Variants in AFF1 observed in about 807,000 individuals in gnomAD.
The protein encoded by AFF1 is ALF transcription elongation factor 1.
In AFF1, 48 loss-of-function variants were observed where a neutral mutation model predicts 121.7. The ratio of observed to expected loss-of-function variants is 0.39; its 90% CI spans 0.31 to 0.50. The LOEUF is 0.50. AFF1 is among the 20% of genes least tolerant of loss of function. The probability of loss-of-function intolerance (pLI) is 0.76; values close to 1 mark genes in which losing one functional copy is unlikely to be tolerated. For missense variants in AFF1, 1,523 were observed against 1,511.7 expected, an observed-to-expected ratio of 1.01 and a Z score of -0.12; for synonymous variants, 613 against 563.0, an observed-to-expected ratio of 1.09 and a Z score of -1.26.
chr4:87,061,725 G>T (rs1440241884), intron 4 of AFF1, among the ~76,000 whole-genome samples: 1 of 152,186 alleles, frequency 6.6e-6, no homozygotes, highest in East Asian at 1.9e-4. Flanking sequence ...TGTTCTCTCC[G>T]TCAATTCAAG....
intron 4 of AFF1, among the ~76,000 whole-genome samples, chr4:87,050,384 G>A (rs1731151496): frequency 6.6e-6 from 1 of 152,158 alleles, no homozygotes; most frequent in Admixed American, 6.5e-5. Flanking sequence ...CCTTTCCACT[G>A]CTTCTGTGAA....
intron 4 of AFF1, among the ~76,000 whole-genome samples, chr4:87,055,021 G>A (rs766623416): frequency 9.2e-5 from 14 of 151,992 alleles, no homozygotes; most frequent in Non-Finnish European, 1.3e-4. Flanking sequence ...TCTCTCACCC[G>A]GGCTGGAATG....
At chr4:86,965,286 C>G (rs182680554) in intron 2 of AFF1, among the ~76,000 whole-genome samples, 1 of 152,226 alleles carries the variant, frequency 6.6e-6, no homozygotes, top group Non-Finnish European at 1.5e-5. Context: ...AAATTCCTTG[C>G]ACAGGCAAGC....
intron 12 of AFF1, among the ~76,000 whole-genome samples, chr4:87,117,600 G>A (rs1727255921): frequency 6.6e-6 from 1 of 152,166 alleles, no homozygotes; most frequent in Non-Finnish European, 1.5e-5. Context: ...CTAGTTATTT[G>A]GATCCAAAGT....
chr4:87,054,602 A>G (rs1719904151), intron 4 of AFF1, among the ~76,000 whole-genome samples: 2 of 152,200 alleles, frequency 1.3e-5, no homozygotes, highest in Admixed American at 1.3e-4. Context: ...CATGACCTAA[A>G]TGTGTTAGGA....
At chr4:87,068,926 C>T (rs1721665559) in intron 4 of AFF1, among the ~76,000 whole-genome samples, 5 of 152,158 alleles carry the variant, frequency 3.3e-5, no homozygotes, top group Admixed American at 6.5e-5. Context: ...GACATGTTCA[C>T]AGAGGTGAGT....
At chr4:86,942,534 A>G (rs558888566) in intron 1 of AFF1, among the ~76,000 whole-genome samples, 3 of 152,264 alleles carry the variant, frequency 2.0e-5, no homozygotes, top group Non-Finnish European at 2.9e-5. Flanking sequence ...CACTAAAAGA[A>G]CTTTAATTGC....
intron 4 of AFF1, among the ~76,000 whole-genome samples, chr4:87,071,497 G>A (rs970885683): frequency 6.6e-6 from 1 of 152,086 alleles, no homozygotes; most frequent in African/African-American, 2.4e-5. Flanking sequence ...AGAAATTCAA[G>A]TTGAAAGACC....
chr4:87,073,933 G>C (rs968711744), intron 4 of AFF1, among the ~76,000 whole-genome samples: 1 of 152,068 alleles, frequency 6.6e-6, no homozygotes, highest in African/African-American at 2.4e-5. Context: ...AGAACCATCC[G>C]TTAATACGAT....
intron 16 of AFF1, among the ~76,000 whole-genome samples, chr4:87,128,471 T>C (rs1728504840): frequency 6.6e-6 from 1 of 152,118 alleles, no homozygotes; most frequent in Non-Finnish European, 1.5e-5. Flanking sequence ...TAAACCTAAA[T>C]CCCCACAAAT....
Position 86,935,656 on chromosome 4 carries a change from GTTC to G in AFF1, c.-37+421_-37+423del, listed in dbSNP as rs954304882. 1.2e-4 allele frequency: 18 copies of G among 152,480 alleles called. 1 individual carries two copies. The highest frequency in any genetic ancestry group is 3.9e-4 in the African/African-American group (16 of 41,526). 9.4% of individuals were successfully genotyped at this position (152,480 alleles called of 1,614,324 possible). ...GGGGGAGGGGGCGGGGAAAAGTGGG[GTTC>G]TTCTCTCCTGCACCCCGGGACCCTT... is the stretch of plus-strand genomic sequence containing the variant. On this transcript the variant is annotated intron_variant, in intron 1 of 20. Coordinates refer to ENST00000395146, the MANE Select transcript of AFF1 (RefSeq NM_001166693.3).
intron 2 of AFF1, among the ~76,000 whole-genome samples, chr4:87,027,528 C>G (rs1728635472): frequency 6.6e-6 from 1 of 152,082 alleles, no homozygotes; most frequent in South Asian, 2.1e-4. Context: ...CTGTAAATAC[C>G]CTAGAGGAGA....
At chr4:86,957,854 G>T (rs931480915) in intron 2 of AFF1, among the ~76,000 whole-genome samples, 1 of 151,872 alleles carries the variant, frequency 6.6e-6, no homozygotes, top group African/African-American at 2.4e-5. Flanking sequence ...GAGCCACTGC[G>T]CCTAGCCTGA....
intron 16 of AFF1, among the ~76,000 whole-genome samples, chr4:87,128,478 A>C (rs911715544): frequency 6.6e-6 from 1 of 152,380 alleles, no homozygotes. Context: ...AAATCCCCAC[A>C]AATGCAAAAA....
chr4:87,088,541 G>A (rs1350308625), intron 5 of AFF1, among the ~76,000 whole-genome samples: 2 of 152,212 alleles, frequency 1.3e-5, no homozygotes, highest in African/African-American at 4.8e-5. Context: ...TACATCATGT[G>A]TTATACAGGT....
At position 87,084,182 on chromosome 4, in the gene AFF1, C is replaced by G; in HGVS notation, c.1104+18C>G. On this transcript the variant is annotated intron_variant, in intron 5 of 20. Transcript: ENST00000395146. ...TTCTGAAGGTGAGTTCACTGTTAAT[C>G]TTTCTCATTTGAAGAAATATTTAAG... 2 of 1,610,104 alleles carry G rather than the reference C, an allele frequency of 1.2e-6. No homozygotes were observed. The highest frequency in any genetic ancestry group is 1.7e-6 in the Non-Finnish European group (2 of 1,176,550).
At chr4:86,997,204 G>A (rs1029253180) in intron 2 of AFF1, among the ~76,000 whole-genome samples, 1 of 151,914 alleles carries the variant, frequency 6.6e-6, no homozygotes, top group Non-Finnish European at 1.5e-5. Flanking sequence ...GAGCCACCAC[G>A]CTTGGCCTGA....
intron 5 of AFF1, among the ~76,000 whole-genome samples, chr4:87,084,597 T>TAAAA (rs1560609292): frequency 8.9e-5 from 9 of 100,840 alleles, no homozygotes; most frequent in African/African-American, 3.3e-4. Context: ...AATAAATAAA[T>TAAAA]AAATAAAAAA....
chr4:87,100,229 C>G (rs1725287480), intron 8 of AFF1, among the ~76,000 whole-genome samples: 1 of 152,110 alleles, frequency 6.6e-6, no homozygotes, highest in Non-Finnish European at 1.5e-5. Context: ...TTTACCCTCT[C>G]TGTGGGATGC....
Sources: allele counts gnomAD v4.1 joint callset (sites outside exome capture counted in the v4.1 genomes callset), GRCh38; gene constraint gnomAD v4.1.1; transcripts MANE v1.5; gene names NCBI Gene and HGNC (gene_info 2026-07-23, HGNC 2026-07-21).